Variants in TMEM164 observed in about 807,000 individuals in gnomAD.
The protein encoded by TMEM164 is RP13-360B22.2.
In TMEM164, 4 loss-of-function variants were observed where a neutral mutation model predicts 18.8. That is an observed-to-expected ratio of 0.21 (90% CI 0.10 to 0.49). TMEM164 has a LOEUF of 0.49. TMEM164 is among the 20% of genes least tolerant of loss of function. The pLI is 0.98. For missense variants in TMEM164, 108 were observed against 239.9 expected, an observed-to-expected ratio of 0.45 and a Z score of 3.63; for synonymous variants, 86 against 101.7, an observed-to-expected ratio of 0.85 and a Z score of 0.93.
intron 3 of TMEM164, among the ~76,000 whole-genome samples, chrX:110,092,433 T>C (rs2065944554): frequency 8.9e-6 from 1 of 111,837 alleles, no homozygotes; most frequent in South Asian, 3.7e-4. Flanking sequence ...ACATCCCTTG[T>C]AAGGTGGATT....
intron 4 of TMEM164, among the ~76,000 whole-genome samples, chrX:110,118,679 C>T (rs1379810352): frequency 9.0e-6 from 1 of 111,227 alleles, no homozygotes; most frequent in Non-Finnish European, 1.9e-5. Flanking sequence ...GGCTAGTGTC[C>T]TTTCCAACCT....
At chrX:110,067,269 T>C in intron 2 of TMEM164, 78 bp from the exon 3 acceptor site, 1 of 997,333 alleles carries the variant, frequency 1.0e-6, no homozygotes, top group Non-Finnish European at 1.4e-6. Context: ...TTATTTTTTG[T>C]TATTGTTAAA....
intron 4 of TMEM164, among the ~76,000 whole-genome samples, chrX:110,119,348 C>T (rs1270969923): frequency 9.0e-6 from 1 of 110,702 alleles, no homozygotes; most frequent in Non-Finnish European, 1.9e-5. Context: ...AATCCCAGCA[C>T]TTTGGGAGGG....
Position 110,175,911 on chromosome X carries a change from T to A in TMEM164, c.*2460T>A, listed in dbSNP as rs2067284041. 2 of 755,748 alleles carry A rather than the reference T, an allele frequency of 2.6e-6. No individual in the cohort carries two copies. Among genetic ancestry groups the A allele is most frequent in the South Asian group, 1.3e-4 (2 of 14,885 alleles). The allele number at this position is 755,748 out of a possible 1,213,427, so 62.3% of individuals were successfully genotyped here. A position where few individuals can be genotyped will look rare whatever the true frequency, so the allele number is the denominator to read the frequency against. On this transcript the variant is annotated 3_prime_UTR_variant, in exon 7 of 7. Transcript: ENST00000372068. ...GCCTGCCTTACAGGGTAGCCCACCT[T>A]ATAGGGTAGCCCTCATATCTGCCCT...
At chrX:110,084,431 G>A (rs1297849747) in intron 3 of TMEM164, among the ~76,000 whole-genome samples, 2 of 69,757 alleles carry the variant, frequency 2.9e-5, no homozygotes, top group African/African-American at 5.6e-5. Flanking sequence ...ATATAGTATA[G>A]TATATATATA....
chrX:110,164,525 AC>A (rs2067134415), intron 5 of TMEM164, among the ~76,000 whole-genome samples: 1 of 111,541 alleles, frequency 9.0e-6, no homozygotes, highest in Non-Finnish European at 1.9e-5. Flanking sequence ...GGTCTCAGGC[AC>A]GACCATGATA....
intron 2 of TMEM164, among the ~76,000 whole-genome samples, chrX:110,007,303 G>T (rs1182795802): frequency 8.9e-6 from 1 of 112,051 alleles, no homozygotes; most frequent in African/African-American, 3.3e-5. Flanking sequence ...CGTGTCCTGG[G>T]ACTGTAGACT....
intron 2 of TMEM164, among the ~76,000 whole-genome samples, chrX:110,018,258 A>C (rs1472424603): frequency 1.8e-5 from 2 of 112,515 alleles, no homozygotes; most frequent in Non-Finnish European, 3.8e-5. Context: ...ATAATCTGTC[A>C]GCCCAGTAGT....
At chrX:110,149,239 T>C (rs747480154) in intron 5 of TMEM164, among the ~76,000 whole-genome samples, 20 of 111,834 alleles carry the variant, frequency 1.8e-4, no homozygotes, top group Non-Finnish European at 3.2e-4. Context: ...TGAAATCACC[T>C]CATACATGGT....
chrX:110,153,943 A>T (rs981163023), intron 5 of TMEM164, among the ~76,000 whole-genome samples: 16 of 111,719 alleles, frequency 1.4e-4, no homozygotes, highest in African/African-American at 4.6e-4. Context: ...CTATATACAT[A>T]GTTGTTATAC....
At chrX:110,129,403 CT>C (rs1293744003) in intron 4 of TMEM164, among the ~76,000 whole-genome samples, 4 of 112,357 alleles carry the variant, frequency 3.6e-5, no homozygotes, top group Non-Finnish European at 7.5e-5. Context: ...TCCCCCATCC[CT>C]TATGCCCTGT....
intron 3 of TMEM164, among the ~76,000 whole-genome samples, chrX:110,072,828 C>CT (rs1338638211): frequency 8.4e-4 from 85 of 101,216 alleles, no homozygotes; most frequent in South Asian, 6.7e-3. Context: ...TATTTTTTGT[C>CT]TTTTTTTTTT....
rs1464382644 is a variant in TMEM164, at chrX:110,087,227, G to A, written c.440+19831G>A. Among the ~76,000 whole-genome samples, 8 of 112,045 alleles carry A rather than the reference G, an allele frequency of 7.1e-5. No individual in the cohort carries two copies. In the Admixed American group the frequency reaches 7.6e-4, roughly 11 times the overall value. On this transcript the variant is annotated intron_variant, in intron 3 of 6. Coordinates refer to ENST00000372068, the MANE Select transcript of TMEM164 (RefSeq NM_032227.4). ...AATAAAAGAGCAGTCATCAGTCTGA[G>A]TCAACTGTTTATACAGCCTCCAGCC...
chrX:110,118,155 C>T (rs1476664047), intron 4 of TMEM164, among the ~76,000 whole-genome samples: 6 of 112,370 alleles, frequency 5.3e-5, no homozygotes, highest in African/African-American at 1.9e-4. Context: ...TCAAATGATC[C>T]ACCTGCCTTG....
intron 3 of TMEM164, among the ~76,000 whole-genome samples, chrX:110,106,373 C>CT (rs533400529): frequency 0.043 from 3,958 of 92,878 alleles, 219 homozygotes; most frequent in African/African-American, 0.12. Context: ...CAGAATCCAG[C>CT]TTTTTTTTTT....
At chrX:110,156,199 C>T (rs1306130944) in intron 5 of TMEM164, among the ~76,000 whole-genome samples, 3 of 112,024 alleles carry the variant, frequency 2.7e-5, no homozygotes, top group Non-Finnish European at 3.8e-5. Context: ...TGCAAGTTAG[C>T]TCAAGGGTAC....
intron 2 of TMEM164, among the ~76,000 whole-genome samples, chrX:110,025,591 G>A (rs1296398833): frequency 8.9e-6 from 1 of 112,403 alleles, no homozygotes; most frequent in Non-Finnish European, 1.9e-5. Flanking sequence ...TGAGGCCACA[G>A]TGTGGCAGTA....
intron 2 of TMEM164, among the ~76,000 whole-genome samples, chrX:110,024,037 T>G (rs1934059709): frequency 9.0e-6 from 1 of 111,576 alleles, no homozygotes; most frequent in African/African-American, 3.3e-5. Flanking sequence ...CCAGATGGTA[T>G]CTAAGACCTT....
At chrX:110,018,537 A>G (rs149623587) in intron 2 of TMEM164, among the ~76,000 whole-genome samples, 1,253 of 112,443 alleles carry the variant, frequency 0.011, 15 homozygotes, top group African/African-American at 0.039. Context: ...GTTAATTGAC[A>G]TATCTAGGCA....
Sources: allele counts gnomAD v4.1 joint callset (sites outside exome capture counted in the v4.1 genomes callset), GRCh38; gene constraint gnomAD v4.1.1; transcripts MANE v1.5; gene names NCBI Gene and HGNC (gene_info 2026-07-23, HGNC 2026-07-21).